The following SLC16A14 variants were observed in gnomAD, a reference collection of about 807,000 sequenced individuals.
The protein encoded by SLC16A14 is solute carrier family 16 member 14, also known as monocarboxylate transporter 14.
Under a neutral mutation model 35.8 loss-of-function variants are expected in SLC16A14, and 14 were observed. That is an observed-to-expected ratio of 0.39 (90% CI 0.26 to 0.61). The LOEUF is 0.61. Ranked by LOEUF, SLC16A14 falls within the 20% of genes least tolerant of loss-of-function variation. SLC16A14 has a pLI of 0.51. For synonymous variants in SLC16A14, 248 were observed against 258.9 expected, an observed-to-expected ratio of 0.96 and a Z score of 0.40; for missense variants, 533 against 655.0, an observed-to-expected ratio of 0.81 and a Z score of 2.03.
In SLC16A14 at chr2:230,046,691, C is replaced by T. The variant is rs773524518; in HGVS notation, c.435G>A (p.Ala145=). Residue 145 remains alanine (A), a synonymous_variant, in exon 4 of 5, where the codon GCG becomes GCA. Transcript: ENST00000295190. This position sits in a 1 kb window ranked among gnomAD's most constrained non-coding sequence, Gnocchi z 5.0. ...GLGSGMAYLP[A]VVMVGRYFQK... is the part of the protein sequence containing the mutation. Reference sequence around the variant, plus strand: ...GGAAATACCTGCCCACCATGACCACCGCTGGCAGGTAGGCCATCCCGCTGC... The same window carrying T: ...GGAAATACCTGCCCACCATGACCACTGCTGGCAGGTAGGCCATCCCGCTGC... 3.1e-6 allele frequency: 5 copies of T among 1,600,744 alleles called. No homozygotes were observed. The highest frequency in any genetic ancestry group is 4.2e-6 in the Non-Finnish European group (5 of 1,179,886).
intron 2 of SLC16A14, among the ~76,000 whole-genome samples, chr2:230,053,044 C>T (rs1420418388): frequency 6.6e-6 from 1 of 152,004 alleles, no homozygotes; most frequent in Non-Finnish European, 1.5e-5. Context: ...TGGATTCCAG[C>T]GATTCTCCTG....
At chr2:230,060,167 G>T (rs976868442) in intron 1 of SLC16A14, among the ~76,000 whole-genome samples, 13 of 152,180 alleles carry the variant, frequency 8.5e-5, no homozygotes, top group African/African-American at 3.1e-4. Flanking sequence ...TATCAGGTAG[G>T]CAGGAGCTAG....
intron 2 of SLC16A14, among the ~76,000 whole-genome samples, chr2:230,052,821 G>T (rs2077672730): frequency 1.3e-5 from 2 of 151,706 alleles, no homozygotes; most frequent in South Asian, 4.1e-4. Flanking sequence ...ACCCAGAAAT[G>T]CTGTGACTTC....
rs73998736 is a variant in SLC16A14, at chr2:230,059,019, A to G, written c.259+75T>C. 12,665 of 1,508,840 alleles carry G rather than the reference A, an allele frequency of 8.4e-3. 753 individuals are homozygous for G. The African/African-American group carries it at 0.14, about 17-fold the overall frequency. The allele number at this position is 1,508,840 out of a possible 1,614,324, so 93.5% of individuals were successfully genotyped here. A position where few individuals can be genotyped will look rare whatever the true frequency, so the allele number is the denominator to read the frequency against. The stretch of plus-strand genomic sequence containing the variant: ...ATCCAATATCGAATGTTACAACAAT[A>G]TAAAACATCACTTACAGTGGGGAAT... On this transcript the variant is annotated intron_variant, in intron 2 of 4. Coordinates refer to ENST00000295190, the MANE Select transcript of SLC16A14 (RefSeq NM_152527.5).
chr2:230,041,583 G>A (rs989941812), intron 4 of SLC16A14, among the ~76,000 whole-genome samples: 9 of 152,102 alleles, frequency 5.9e-5, no homozygotes, highest in South Asian at 4.1e-4. Context: ...GCCCATCTCC[G>A]CCTCTCAAAG....
intron 1 of SLC16A14, among the ~76,000 whole-genome samples, chr2:230,066,075 G>A (rs1053913709): frequency 1.3e-5 from 2 of 152,060 alleles, no homozygotes; most frequent in Non-Finnish European, 2.9e-5. Flanking sequence ...GAGGCTGAGG[G>A]GGATGGATCA....
intron 4 of SLC16A14, among the ~76,000 whole-genome samples, chr2:230,041,583 G>C (rs989941812): frequency 2.0e-5 from 3 of 151,984 alleles, no homozygotes; most frequent in Non-Finnish European, 4.4e-5. Flanking sequence ...GCCCATCTCC[G>C]CCTCTCAAAG....
intron 1 of SLC16A14, among the ~76,000 whole-genome samples, chr2:230,060,118 A>T (rs1223716863): frequency 6.6e-6 from 1 of 152,230 alleles, no homozygotes; most frequent in Non-Finnish European, 1.5e-5. Flanking sequence ...AAGGAGTTTG[A>T]ATAGATACTG....
chr2:230,035,659 A>G lies in SLC16A14; in HGVS notation c.*1721T>C, dbSNP rs997876717. On this transcript the variant is annotated 3_prime_UTR_variant, in exon 5 of 5. Coordinates refer to ENST00000295190, the MANE Select transcript of SLC16A14 (RefSeq NM_152527.5). ...GTTGTTGTGTTGAACCAAATGGAGT[A>G]TGACATGCAATCTATTGTCTATAAT... 1 of 152,252 alleles carries G rather than the reference A, an allele frequency of 6.6e-6. No homozygotes were observed. The highest frequency in any genetic ancestry group is 1.5e-5 in the Non-Finnish European group (1 of 68,048). 9.4% of individuals were successfully genotyped at this position (152,252 alleles called of 1,614,324 possible). A position where few individuals can be genotyped will look rare whatever the true frequency, so the allele number is the denominator to read the frequency against.
chr2:230,039,186 T>C (rs182031538), intron 4 of SLC16A14, among the ~76,000 whole-genome samples: 34 of 151,368 alleles, frequency 2.2e-4, no homozygotes, highest in African/African-American at 7.3e-4. Flanking sequence ...AAGACATTCA[T>C]AAAGAAAAAC....
intron 1 of SLC16A14, among the ~76,000 whole-genome samples, chr2:230,061,811 G>A (rs1008848189): frequency 5.5e-5 from 8 of 144,574 alleles, no homozygotes; most frequent in African/African-American, 1.0e-4. Flanking sequence ...GCGTAATTTT[G>A]ACTCTCTGCA....
chr2:230,054,367 G>A (rs910166402), intron 2 of SLC16A14, among the ~76,000 whole-genome samples: 5 of 152,186 alleles, frequency 3.3e-5, no homozygotes, highest in African/African-American at 1.2e-4. Flanking sequence ...TTATTCCTAA[G>A]CAGTTAGTCA....
rs200955444 is a variant in SLC16A14, at chr2:230,049,885, G to C, written c.279C>G (p.Phe93Leu). The part of the protein sequence containing the change: ...TLIVGPFIGL[F>L]INTCGCRQTA... ...TCTGGCGGCACCCACAGGTGTTAAT[G>C]AACAAGCCGATGAAAGGGCCTGTCA... The change falls in exon 3 of 5, where the codon TTC (phenylalanine) becomes TTG (leucine). Residue 93 changes from phenylalanine (F) to leucine (L), a missense_variant. Phe to Leu is a conservative substitution (Grantham distance 22). Coordinates refer to ENST00000295190, the MANE Select transcript of SLC16A14 (RefSeq NM_152527.5). The C allele has an allele frequency of 2.2e-4, 356 of 1,592,610 alleles. No individual in the cohort carries two copies. The highest frequency in any genetic ancestry group is 2.9e-4 in the Non-Finnish European group (344 of 1,172,646).
chr2:230,045,634 G>A (rs759822379), intron 4 of SLC16A14, 111 bp downstream of exon 4: 1 of 1,216,470 alleles, frequency 8.2e-7, no homozygotes, highest in Non-Finnish European at 1.2e-6. Context: ...GGAATGGGAA[G>A]ATAAAAGGAA....
Position 230,059,224 on chromosome 2 carries a change from C to T in SLC16A14, c.129G>A (p.Val43=), listed in dbSNP as rs751447066. ...AWMMVLSSFF[V]HILIMGSQMA... is the part of the protein sequence containing the mutation. ...TCTGGGAGCCCATGATGAGGATGTG[C>T]ACAAAGAAAGAGGAGAGCACCATCA... The change falls in exon 2 of 5, where the codon GTG becomes GTA. Residue 43 remains valine (V), a synonymous_variant. Coordinates refer to ENST00000295190, the MANE Select transcript of SLC16A14 (RefSeq NM_152527.5). 1.7e-5 allele frequency: 27 copies of T among 1,614,062 alleles called. No individual in the cohort carries two copies. Among genetic ancestry groups the T allele is most frequent in the Admixed American group, 3.3e-5 (2 of 60,002 alleles).
chr2:230,058,249 C>T (rs1353841546), intron 2 of SLC16A14: 1 of 150,984 alleles, frequency 6.6e-6, no homozygotes, highest in Non-Finnish European at 1.5e-5. Context: ...TTAAATTTAG[C>T]AGTCAGGGGT....
At chr2:230,056,611 T>C (rs1466093252) in intron 2 of SLC16A14, among the ~76,000 whole-genome samples, 1 of 152,038 alleles carries the variant, frequency 6.6e-6, no homozygotes, top group Non-Finnish European at 1.5e-5. Context: ...CTCACACCTG[T>C]AATCCCAGCA....
intron 1 of SLC16A14, among the ~76,000 whole-genome samples, chr2:230,064,652 C>T (rs2077777899): frequency 1.3e-5 from 2 of 152,212 alleles, no homozygotes; most frequent in South Asian, 4.1e-4. Context: ...AACAACAATA[C>T]ATGGCATTTT....
intron 4 of SLC16A14, among the ~76,000 whole-genome samples, chr2:230,042,680 C>A (rs73998721): frequency 2.0e-5 from 3 of 152,092 alleles, no homozygotes; most frequent in Non-Finnish European, 4.4e-5. Context: ...GCACCATTGG[C>A]GGACTGATTC....
Sources: gnomAD v4.1 joint callset for allele counts (sites outside exome capture counted in the v4.1 genomes callset) on GRCh38, gnomAD v4.1.1 for gene constraint, Gnocchi (gnomAD v3.1) non-coding constraint, MANE v1.5 for transcripts, NCBI Gene and HGNC (gene_info 2026-07-23, HGNC 2026-07-21) for gene names.